NHSL1: variants seen among roughly 807,000 people sequenced by gnomAD.
NHSL1 encodes NHS-like protein 1.
NHSL1 carries 48 observed loss-of-function variants against 95.0 expected under a neutral mutation model. The ratio of observed to expected loss-of-function variants is 0.51; its 90% confidence interval spans 0.40 to 0.64. The LOEUF is 0.64. NHSL1 is among the 30% of genes least tolerant of loss of function. The probability of loss-of-function intolerance (pLI) is 0.00; values close to 1 mark genes in which losing one functional copy is unlikely to be tolerated. For missense variants in NHSL1, 1,971 were observed against 2,077.7 expected (o/e 0.95, Z 1.00); for synonymous variants, 783 against 833.9 (o/e 0.94, Z 1.05).
chr6:138,640,455 C>T (rs180797518), intron 1 of NHSL1, among the ~76,000 whole-genome samples: 83 of 152,270 alleles, frequency 5.5e-4, no homozygotes, highest in African/African-American at 1.9e-3. Context: ...TTTCTTCGGC[C>T]TCTGCCACCC....
chr6:138,622,301 G>A (rs1784674741), intron 1 of NHSL1, among the ~76,000 whole-genome samples: 1 of 152,024 alleles, frequency 6.6e-6, no homozygotes, highest in Non-Finnish European at 1.5e-5. Flanking sequence ...AGGAGATCGA[G>A]ACTATCCTGG....
Position 138,449,052 on chromosome 6 carries a change from CAAAAA to C in NHSL1, c.340-1864_340-1860del, listed in dbSNP as rs545496586. Among the ~76,000 whole-genome samples, 688 of 88,432 alleles carry C rather than the reference CAAAAA, an allele frequency of 7.8e-3. 1 individual carries two copies. The highest frequency in any genetic ancestry group is 0.023 in the African/African-American group (622 of 26,986). The allele number at this position is 88,432 out of a possible 152,430, so 58.0% of individuals were successfully genotyped here. A position where few individuals can be genotyped will look rare whatever the true frequency, so the allele number is the denominator to read the frequency against. On this transcript the variant is annotated intron_variant, in intron 3 of 7. Transcript: ENST00000343505. ...GGGCAACAAGAGCAAAATTCTGTCT[CAAAAA>C]AAAAAAAAAAAAAAAAAATTCAAAC...
At chr6:138,515,303 A>G (rs1781413555) in intron 1 of NHSL1, among the ~76,000 whole-genome samples, 2 of 152,228 alleles carry the variant, frequency 1.3e-5, no homozygotes, top group South Asian at 4.1e-4. Flanking sequence ...GGAGCTTTTA[A>G]CTGGAGACAA....
chr6:138,460,282 A>G (rs908285293), intron 3 of NHSL1, among the ~76,000 whole-genome samples: 4 of 152,082 alleles, frequency 2.6e-5, no homozygotes, highest in Non-Finnish European at 5.9e-5. Context: ...TTCTAGGGTC[A>G]GTTTTGATAC....
At chr6:138,689,873 C>G (rs1785638477) in intron 1 of NHSL1, among the ~76,000 whole-genome samples, 1 of 151,960 alleles carries the variant, frequency 6.6e-6, no homozygotes, top group African/African-American at 2.4e-5. Flanking sequence ...ATCTTGAACT[C>G]CTAGCCTCAA....
Position 138,610,485 on chromosome 6 carries a change from CAT to C in NHSL1, c.96+81989_96+81990del, listed in dbSNP as rs1039029224. Among the ~76,000 whole-genome samples, 101 of 151,124 alleles carry C rather than the reference CAT, an allele frequency of 6.7e-4. 1 individual carries two copies. Among genetic ancestry groups the C allele is most frequent in the African/African-American group, 2.3e-3 (96 of 41,056 alleles). ...AGCACACCAACATGGCACATGTATA[CAT>C]ATGTTACAAACCTGCACGTTGCGCA... On this transcript the variant is annotated intron_variant, in intron 1 of 3. Coordinates refer to the NHSL1 transcript ENST00000491526.
At chr6:138,490,138 G>A (rs1229481217) in intron 2 of NHSL1, among the ~76,000 whole-genome samples, 3 of 152,082 alleles carry the variant, frequency 2.0e-5, no homozygotes, top group Non-Finnish European at 4.4e-5. Context: ...ACCTCTCTGT[G>A]TTATATGTCA....
intron 2 of NHSL1, among the ~76,000 whole-genome samples, chr6:138,485,069 C>T (rs1449030237): frequency 3.9e-5 from 6 of 152,108 alleles, no homozygotes; most frequent in Admixed American, 1.3e-4. Flanking sequence ...AAATTGGAGG[C>T]GATCTCATTT....
intron 1 of NHSL1, among the ~76,000 whole-genome samples, chr6:138,658,963 A>G (rs2114727519): frequency 6.6e-6 from 1 of 152,154 alleles, no homozygotes; most frequent in African/African-American, 2.4e-5. Flanking sequence ...AGGGCTGGAC[A>G]CCAACCAAAC....
At chr6:138,623,008 G>A (rs968684864) in intron 1 of NHSL1, among the ~76,000 whole-genome samples, 8 of 152,134 alleles carry the variant, frequency 5.3e-5, no homozygotes, top group African/African-American at 1.9e-4. Context: ...AGTAACATAC[G>A]CATAATACAG....
chr6:138,512,907 T>C (rs921663563), intron 1 of NHSL1, among the ~76,000 whole-genome samples: 9 of 152,228 alleles, frequency 5.9e-5, no homozygotes, highest in African/African-American at 2.2e-4. Context: ...GTTACCTCCC[T>C]TCTCCACAAC....
chr6:138,450,377 A>G (rs1317607161), intron 3 of NHSL1, among the ~76,000 whole-genome samples: 2 of 152,258 alleles, frequency 1.3e-5, no homozygotes, highest in Non-Finnish European at 2.9e-5. Context: ...GCTTGAAGGC[A>G]GTAAGAAGCA....
intron 1 of NHSL1, among the ~76,000 whole-genome samples, chr6:138,497,160 G>A (rs1045105862): frequency 3.3e-5 from 5 of 152,068 alleles, no homozygotes; most frequent in Non-Finnish European, 7.4e-5. Flanking sequence ...TTAAATCCTC[G>A]GAGGCTTGAG....
At chr6:138,538,602 C>T (rs1480934419) in intron 1 of NHSL1, among the ~76,000 whole-genome samples, 1 of 152,116 alleles carries the variant, frequency 6.6e-6, no homozygotes, top group East Asian at 1.9e-4. Context: ...AGAGCAGAGG[C>T]GTCTGTCCCA....
In NHSL1 at chr6:138,614,733, G is replaced by T. The variant is rs902983065; in HGVS notation, c.96+77743C>A. Reference sequence around the variant, plus strand: ...TGGGCCACACAGCAGGAGGTGAGTGGCAGGCAAGCAAGCATTACCGCCTGA... The same window carrying T: ...TGGGCCACACAGCAGGAGGTGAGTGTCAGGCAAGCAAGCATTACCGCCTGA... On this transcript the variant is annotated intron_variant, in intron 1 of 3. Coordinates refer to the NHSL1 transcript ENST00000491526. Among the ~76,000 whole-genome samples, 4 of 152,156 alleles carry T rather than the reference G, an allele frequency of 2.6e-5. 1 individual carries two copies. Among genetic ancestry groups the T allele is most frequent in the African/African-American group, 9.7e-5 (4 of 41,430 alleles).
chr6:138,679,082 T>C (rs1196855664), intron 1 of NHSL1, among the ~76,000 whole-genome samples: 2 of 152,192 alleles, frequency 1.3e-5, no homozygotes, highest in Non-Finnish European at 2.9e-5. Flanking sequence ...CTAAGCTTAA[T>C]CCTCATCTTT....
At chr6:138,597,471 C>A (rs1439130730) in intron 1 of NHSL1, among the ~76,000 whole-genome samples, 2 of 152,220 alleles carry the variant, frequency 1.3e-5, no homozygotes, top group African/African-American at 4.8e-5. Context: ...AAATTCAAAT[C>A]AAACATCACC....
At chr6:138,443,052 T>TAC (rs145989578) in intron 4 of NHSL1, among the ~76,000 whole-genome samples, 1 of 151,090 alleles carries the variant, frequency 6.6e-6, no homozygotes, top group African/African-American at 2.5e-5. Flanking sequence ...TATACATATA[T>TAC]ACACACACAC....
intron 1 of NHSL1, among the ~76,000 whole-genome samples, chr6:138,685,196 A>G (rs529431426): frequency 7.8e-4 from 118 of 152,220 alleles, no homozygotes; most frequent in Admixed American, 1.8e-3. Flanking sequence ...ATATAGCAGA[A>G]AACTAGATTA....
Sources: allele counts gnomAD v4.1 joint callset (sites outside exome capture counted in the v4.1 genomes callset), GRCh38; gene constraint gnomAD v4.1.1; transcripts MANE v1.5; gene names NCBI Gene and HGNC (gene_info 2026-07-23, HGNC 2026-07-21).